The following RHOH variants were observed in gnomAD, a reference collection of about 807,000 sequenced individuals.
RHOH encodes the protein ras homolog family member H, also known as rho-related GTP-binding protein RhoH.
Under a neutral mutation model 13.8 loss-of-function variants are expected in RHOH, and 6 were observed. That is an observed-to-expected ratio of 0.44 (90% CI 0.24 to 0.86). RHOH has a LOEUF of 0.86. RHOH is among the 40% of genes least tolerant of loss of function. The probability of loss-of-function intolerance (pLI) is 0.24; values close to 1 mark genes in which losing one functional copy is unlikely to be tolerated. For missense variants in RHOH, 147 were observed against 244.5 expected (o/e 0.60, Z 2.66); for synonymous variants, 117 against 103.0 (o/e 1.14, Z -0.82).
intron 1 of RHOH, among the ~76,000 whole-genome samples, chr4:40,207,487 G>A (rs1010524506): frequency 1.3e-5 from 2 of 152,106 alleles, no homozygotes; most frequent in African/African-American, 4.8e-5. Context: ...TGGTTTTCAG[G>A]ATGCAGCAGG....
intron 1 of RHOH, among the ~76,000 whole-genome samples, chr4:40,228,939 A>G (rs1727562061): frequency 1.3e-5 from 2 of 152,168 alleles, no homozygotes; most frequent in South Asian, 4.1e-4. Flanking sequence ...AATTCTACCC[A>G]GGGAGGGCCG....
At chr4:40,230,641 G>A (rs1727820823) in intron 1 of RHOH, among the ~76,000 whole-genome samples, 3 of 151,918 alleles carry the variant, frequency 2.0e-5, no homozygotes, top group Admixed American at 6.6e-5. Flanking sequence ...TTACAGACGT[G>A]AGCCACCGCG....
At chr4:40,236,286 C>T (rs549811871) in intron 1 of RHOH, among the ~76,000 whole-genome samples, 17 of 152,308 alleles carry the variant, frequency 1.1e-4, no homozygotes, top group African/African-American at 3.6e-4. Context: ...TCCTCAGAAC[C>T]TGTTACAGTG....
chr4:40,203,318 G>A (rs535676027), intron 1 of RHOH, among the ~76,000 whole-genome samples: 1 of 152,300 alleles, frequency 6.6e-6, no homozygotes, highest in Admixed American at 6.5e-5. Context: ...ATGAGTGCGG[G>A]AAGAGTTAAC....
intron 1 of RHOH, among the ~76,000 whole-genome samples, chr4:40,222,223 T>C (rs1726671807): frequency 6.6e-6 from 1 of 152,210 alleles, no homozygotes; most frequent in African/African-American, 2.4e-5. Context: ...CCAGAAGATC[T>C]AGCTAAGGTC....
At chr4:40,231,062 C>T (rs1044231309) in intron 1 of RHOH, among the ~76,000 whole-genome samples, 4 of 152,092 alleles carry the variant, frequency 2.6e-5, no homozygotes, top group African/African-American at 9.7e-5. Flanking sequence ...TGCACTTAAG[C>T]AAGGAGAAGA....
chr4:40,203,711 C>T (rs1301539190), intron 1 of RHOH, among the ~76,000 whole-genome samples: 6 of 152,046 alleles, frequency 3.9e-5, no homozygotes, highest in African/African-American at 1.2e-4. Context: ...GCTGTACTTA[C>T]GATATTCCTT....
chr4:40,234,967 A>G (rs906325566), intron 1 of RHOH, among the ~76,000 whole-genome samples: 1 of 152,184 alleles, frequency 6.6e-6, no homozygotes, highest in African/African-American at 2.4e-5. Flanking sequence ...ATGAAAGTAC[A>G]CTGACTTAAA....
Position 40,243,446 on chromosome 4 carries a change from G to C in RHOH, c.60G>C (p.Leu20=). The stretch of plus-strand genomic sequence containing the variant: ...ACTCTGCTGTGGGGAAAACCTCTCT[G>C]TTGGTGCGCTTCACCTCCGAGACCT... The part of the protein sequence containing the change: ...VGDSAVGKTS[L]LVRFTSETFP... Residue 20 remains leucine, a synonymous_variant, in exon 3 of 3, where the codon CTG becomes CTC. Coordinates refer to ENST00000381799, the MANE Select transcript of RHOH (RefSeq NM_004310.5). The surrounding 1 kb of genome is among the most constrained non-coding windows in gnomAD (Gnocchi z 6.2). 6.2e-7 allele frequency: 1 copy of C among 1,613,352 alleles called. No individual in the cohort carries two copies.
upstream of RHOH, chr4:40,191,403 GT>G (rs1042356913): frequency 2.0e-5 from 3 of 152,134 alleles, no homozygotes; most frequent in African/African-American, 7.2e-5. Context: ...GCAGATACTG[GT>G]TTTGTTTTGT....
intron 1 of RHOH, among the ~76,000 whole-genome samples, chr4:40,225,175 G>A (rs1727071317): frequency 6.6e-6 from 1 of 152,052 alleles, no homozygotes; most frequent in African/African-American, 2.4e-5. Flanking sequence ...GTGCACTGGC[G>A]AAATCGGCTC....
At chr4:40,196,157 G>A (rs545675121), upstream of RHOH, among the ~76,000 whole-genome samples, 10 of 152,320 alleles carry the variant, frequency 6.6e-5, no homozygotes, top group East Asian at 1.7e-3. Context: ...CTTTGAGTGT[G>A]GGGCCGATGC....
chr4:40,216,672 A>G (rs1484740924), intron 1 of RHOH, among the ~76,000 whole-genome samples: 1 of 152,224 alleles, frequency 6.6e-6, no homozygotes, highest in Non-Finnish European at 1.5e-5. Flanking sequence ...AAATGTTTTT[A>G]GTAGGTATAT....
chr4:40,199,785 G>A (rs2109352202), intron 1 of RHOH, among the ~76,000 whole-genome samples: 1 of 152,314 alleles, frequency 6.6e-6, no homozygotes, highest in Admixed American at 6.5e-5. Context: ...GGCAGTGAGT[G>A]CTTATTTGGG....
chr4:40,228,167 A>G (rs1380470451), intron 1 of RHOH, among the ~76,000 whole-genome samples: 1 of 152,184 alleles, frequency 6.6e-6, no homozygotes, highest in Admixed American at 6.5e-5. Flanking sequence ...CTTGACATAG[A>G]ATGTTAAATT....
chr4:40,208,417 A>G (rs778242031), intron 1 of RHOH, among the ~76,000 whole-genome samples: 2 of 152,212 alleles, frequency 1.3e-5, no homozygotes, highest in African/African-American at 4.8e-5. Flanking sequence ...TTGCCTTTAT[A>G]GTCTTTAAGG....
intron 1 of RHOH, among the ~76,000 whole-genome samples, chr4:40,229,423 G>T (rs894712188): frequency 1.3e-5 from 2 of 152,012 alleles, no homozygotes; most frequent in African/African-American, 4.8e-5. Flanking sequence ...ATCACCTGAG[G>T]TCGGGAGTTT....
At chr4:40,195,617 G>A (rs535613738), upstream of RHOH, among the ~76,000 whole-genome samples, 34 of 152,044 alleles carry the variant, frequency 2.2e-4, 1 homozygote, top group South Asian at 6.6e-3. Context: ...TGGTTGCCCA[G>A]CTAATTTTTG....
intron 1 of RHOH, among the ~76,000 whole-genome samples, 161 bp downstream of exon 1, chr4:40,197,461 G>A (rs1425448225): frequency 2.6e-5 from 4 of 152,092 alleles, no homozygotes; most frequent in Non-Finnish European, 5.9e-5. Context: ...GGGGGTGAGT[G>A]TTGCTTTGAT....
Sources: allele counts gnomAD v4.1 joint callset (sites outside exome capture counted in the v4.1 genomes callset), GRCh38; gene constraint gnomAD v4.1.1; non-coding constraint Gnocchi (gnomAD v3.1); transcripts MANE v1.5; gene names NCBI Gene and HGNC (gene_info 2026-07-23, HGNC 2026-07-21).